FBN2: variants seen among roughly 807,000 people sequenced by gnomAD.
FBN2 encodes fibrillin-2.
FBN2 carries 105 observed loss-of-function variants against 355.6 expected under a neutral mutation model. The ratio of observed to expected loss-of-function variants is 0.30; its 90% CI spans 0.25 to 0.35. The LOEUF (loss-of-function observed/expected upper bound fraction) is 0.35. FBN2 is among the 10% of genes least tolerant of loss of function. FBN2 has a pLI of 1.00. For missense variants in FBN2, 3,280 were observed against 3,758.7 expected (o/e 0.87, Z 3.33); for synonymous variants, 1,350 against 1,301.2 (o/e 1.04, Z -0.81).
intron 5 of FBN2, among the ~76,000 whole-genome samples, chr5:128,518,847 C>T (rs535170261): frequency 6.6e-6 from 1 of 152,246 alleles, no homozygotes; most frequent in South Asian, 2.1e-4. Flanking sequence ...TAGCTCGAGA[C>T]TTTTTGTTGT....
chr5:128,321,114 A>G (rs914335890), intron 34 of FBN2, among the ~76,000 whole-genome samples: 3 of 152,116 alleles, frequency 2.0e-5, no homozygotes, highest in Admixed American at 6.6e-5. Context: ...TTCTTTCTCC[A>G]AGAAGGGTGG....
chr5:128,339,316 C>T, intron 25 of FBN2: 1 of 423,828 alleles, frequency 2.4e-6, no homozygotes, highest in Non-Finnish European at 4.4e-6. Context: ...GTTTTTGTGG[C>T]TTAGAAATCG....
intron 21 of FBN2, 79 bp downstream of exon 21, chr5:128,350,789 A>C: frequency 6.7e-7 from 1 of 1,493,506 alleles, no homozygotes; most frequent in Non-Finnish European, 9.3e-7. Context: ...TCACTAAGGA[A>C]CTGCGTAGTG....
chr5:128,454,295 G>A (rs1046406444), intron 6 of FBN2, among the ~76,000 whole-genome samples: 3 of 152,170 alleles, frequency 2.0e-5, no homozygotes, highest in Non-Finnish European at 4.4e-5. Context: ...TGTGGGGTTA[G>A]AAGAAGAGGA....
rs531346282 is a variant in FBN2 at position 128,523,788 on chromosome 5, T to A, written c.532+4084A>T. The stretch of plus-strand genomic sequence containing the variant: ...GATTTTTACTTTTTCTATTTTTTTT[T>A]ATCCACCACGCCTGGTCCATCAGAG... On this transcript the variant is annotated intron_variant, in intron 4 of 64. Coordinates refer to ENST00000262464, the MANE Select transcript of FBN2 (RefSeq NM_001999.4). Among the ~76,000 whole-genome samples the A allele has an allele frequency of 5.3e-5, 8 of 152,100 alleles. No individual in the cohort carries two copies. The South Asian group carries it at 1.0e-3, about 20-fold the overall frequency.
At chr5:128,472,310 T>A (rs971206211) in intron 5 of FBN2, among the ~76,000 whole-genome samples, 1 of 151,996 alleles carries the variant, frequency 6.6e-6, no homozygotes, top group African/African-American at 2.4e-5. Context: ...TCCAGAGTAG[T>A]CAAATTCATA....
In FBN2 at chr5:128,339,067, T is replaced by C; in HGVS notation, c.3344-6A>G. 1 of 1,613,798 alleles carries C rather than the reference T, an allele frequency of 6.2e-7. No homozygotes were observed. ...AATCCTGCACTCGTCGATGTCTAAT[T>C]CACAGGGTTTAAAAGAAATTTAAAA... is the stretch of plus-strand genomic sequence containing the variant. On this transcript the variant is annotated splice_polypyrimidine_tract_variant and splice_region_variant and intron_variant, in intron 25 of 64. Coordinates refer to ENST00000262464, the MANE Select transcript of FBN2 (RefSeq NM_001999.4).
At chr5:128,458,170 T>C (rs942965951) in intron 6 of FBN2, among the ~76,000 whole-genome samples, 9 of 152,114 alleles carry the variant, frequency 5.9e-5, no homozygotes, top group African/African-American at 2.2e-4. Context: ...GTTGCAATCC[T>C]AGTCTCTGAC....
chr5:128,356,671 C>T (rs1057246446), intron 20 of FBN2, among the ~76,000 whole-genome samples: 2 of 152,122 alleles, frequency 1.3e-5, no homozygotes, highest in Non-Finnish European at 2.9e-5. Context: ...TAATATACAT[C>T]CCATGTCATT....
intron 5 of FBN2, among the ~76,000 whole-genome samples, chr5:128,504,766 T>C (rs1389059119): frequency 1.3e-5 from 2 of 152,208 alleles, no homozygotes; most frequent in East Asian, 1.9e-4. Flanking sequence ...TTTAGGTTAA[T>C]GCTAGAATGA....
intron 6 of FBN2, among the ~76,000 whole-genome samples, chr5:128,447,609 C>A (rs1224841040): frequency 6.6e-6 from 1 of 152,116 alleles, no homozygotes; most frequent in Non-Finnish European, 1.5e-5. Context: ...TAATTTCGGC[C>A]CGGTCCTGCG....
intron 5 of FBN2, among the ~76,000 whole-genome samples, chr5:128,473,255 T>A (rs995294665): frequency 1.3e-5 from 2 of 152,156 alleles, no homozygotes; most frequent in Non-Finnish European, 2.9e-5. Flanking sequence ...ACCCTCACAC[T>A]CTCTCCAATG....
intron 25 of FBN2, among the ~76,000 whole-genome samples, chr5:128,341,318 A>G (rs1414399669): frequency 6.6e-6 from 1 of 152,184 alleles, no homozygotes; most frequent in African/African-American, 2.4e-5. Flanking sequence ...GAAGTTACAC[A>G]ATCCAGCCCT....
intron 5 of FBN2, among the ~76,000 whole-genome samples, chr5:128,500,017 G>T (rs1202160101): frequency 6.6e-6 from 1 of 152,092 alleles, no homozygotes; most frequent in Non-Finnish European, 1.5e-5. Context: ...TGAGTAATAT[G>T]CACTTAATAA....
chr5:128,532,089 C>G (rs563457085), intron 2 of FBN2, among the ~76,000 whole-genome samples: 1 of 152,252 alleles, frequency 6.6e-6, no homozygotes, highest in South Asian at 2.1e-4. Context: ...ACCAGAGGCT[C>G]CAGTTCTAAT....
intron 5 of FBN2, among the ~76,000 whole-genome samples, chr5:128,482,188 C>T (rs750480782): frequency 2.6e-5 from 4 of 151,816 alleles, no homozygotes; most frequent in Admixed American, 6.6e-5. Context: ...GTGGATATTA[C>T]CGGTTCTGTT....
chr5:128,378,008 GTTT>G (rs373419300), intron 12 of FBN2, 131 bp from the exon 13 acceptor site: 697 of 508,608 alleles, frequency 1.4e-3, no homozygotes, highest in East Asian at 2.4e-3. Flanking sequence ...TCTCTCAGCA[GTTT>G]TTTTTTTTTT....
chr5:128,304,691 T>A (rs1429782692), intron 45 of FBN2, among the ~76,000 whole-genome samples: 1 of 152,190 alleles, frequency 6.6e-6, no homozygotes, highest in Non-Finnish European at 1.5e-5. Flanking sequence ...TCAAGCCATG[T>A]GAACATCTTC....
chr5:128,447,923 T>C (rs1754118029), intron 6 of FBN2, among the ~76,000 whole-genome samples: 2 of 152,244 alleles, frequency 1.3e-5, no homozygotes, highest in African/African-American at 2.4e-5. Flanking sequence ...GGTTCCCCCA[T>C]ACATCCATAC....
Sources: gnomAD v4.1 joint callset for allele counts (sites outside exome capture counted in the v4.1 genomes callset) on GRCh38, gnomAD v4.1.1 for gene constraint, MANE v1.5 for transcripts, NCBI Gene and HGNC (gene_info 2026-07-23, HGNC 2026-07-21) for gene names.